Variants in CDC42BPA observed in about 807,000 individuals in gnomAD.
CDC42BPA encodes serine/threonine-protein kinase MRCK alpha.
In CDC42BPA, 80 loss-of-function variants were observed where a neutral mutation model predicts 223.5. The ratio of observed to expected loss-of-function variants is 0.36; its 90% CI spans 0.30 to 0.43. The LOEUF (loss-of-function observed/expected upper bound fraction) is 0.43, where lower values mean the gene tolerates loss of function less well. Ranked by LOEUF, CDC42BPA falls within the 20% of genes least tolerant of loss-of-function variation. The probability of loss-of-function intolerance (pLI) is 1.00; values close to 1 mark genes in which losing one functional copy is unlikely to be tolerated. For missense variants in CDC42BPA, 1,743 were observed against 2,099.9 expected (o/e 0.83, Z 3.32); for synonymous variants, 694 against 718.6 (o/e 0.97, Z 0.55).
chr1:227,120,844 T>C (rs1378431676), intron 11 of CDC42BPA, among the ~76,000 whole-genome samples: 1 of 152,210 alleles, frequency 6.6e-6, no homozygotes, highest in Non-Finnish European at 1.5e-5. Flanking sequence ...GGACCAGTTT[T>C]GTGGAAGACA....
intron 14 of CDC42BPA, among the ~76,000 whole-genome samples, chr1:227,109,227 GCTACA>G (rs1355318118): frequency 2.6e-5 from 4 of 151,994 alleles, no homozygotes; most frequent in Admixed American, 1.3e-4. Flanking sequence ...TTATACTTAG[GCTACA>G]CTATTTTTAA....
At chr1:227,060,483 T>C (rs1675654501) in intron 21 of CDC42BPA, among the ~76,000 whole-genome samples, 1 of 152,086 alleles carries the variant, frequency 6.6e-6, no homozygotes, top group Admixed American at 6.5e-5. Context: ...AGAGAAGACA[T>C]CATGCCAGCA....
intron 6 of CDC42BPA, among the ~76,000 whole-genome samples, chr1:227,151,024 T>C (rs1661655085): frequency 1.3e-5 from 2 of 152,144 alleles, no homozygotes; most frequent in Admixed American, 1.3e-4. Flanking sequence ...ATTTACTATC[T>C]TAATGATTTT....
chr1:227,131,388 C>T (rs977165922), intron 10 of CDC42BPA, among the ~76,000 whole-genome samples: 1 of 152,132 alleles, frequency 6.6e-6, no homozygotes, highest in African/African-American at 2.4e-5. Flanking sequence ...CTAGTTAGAA[C>T]TTAAATGGTA....
intron 10 of CDC42BPA, among the ~76,000 whole-genome samples, chr1:227,129,714 T>TATATATATATATGTATATATATATATAC (rs140091366): frequency 9.5e-6 from 1 of 105,806 alleles, no homozygotes; most frequent in African/African-American, 3.8e-5. Flanking sequence ...TATATATATA[T>TATATATATATATGTATATATATATATAC]ACAAAAGAAT....
intron 32 of CDC42BPA, among the ~76,000 whole-genome samples, chr1:227,017,834 A>C (rs920365198): frequency 6.6e-6 from 1 of 152,112 alleles, no homozygotes; most frequent in African/African-American, 2.4e-5. Context: ...CATTATCTAA[A>C]TAAGATAAGG....
intron 23 of CDC42BPA, among the ~76,000 whole-genome samples, chr1:227,041,245 T>C (rs1029063): frequency 0.48 from 73,333 of 151,912 alleles, 18,041 homozygotes; most frequent in African/African-American, 0.54. Context: ...GACCGATCCA[T>C]ATTACCCAGG....
chr1:227,130,147 C>A (rs1330557997), intron 10 of CDC42BPA, among the ~76,000 whole-genome samples: 1 of 152,148 alleles, frequency 6.6e-6, no homozygotes, highest in Non-Finnish European at 1.5e-5. Context: ...CATTTTACAT[C>A]AGAAATGAAA....
chr1:227,181,625 T>C (rs1313171059), intron 5 of CDC42BPA, among the ~76,000 whole-genome samples: 2 of 152,214 alleles, frequency 1.3e-5, no homozygotes, highest in Non-Finnish European at 2.9e-5. Context: ...TACTCTCTAT[T>C]ATAACAGTTA....
rs1660735075 is a variant in CDC42BPA at position 226,991,495 on chromosome 1, C to T, written c.*2773G>A. On this transcript the variant is annotated 3_prime_UTR_variant, in exon 37 of 37. Coordinates refer to ENST00000366766, the MANE Select transcript of CDC42BPA (RefSeq NM_001394014.1). ...ATGACCGTTATTTTGGGAAAACCCT[C>T]CCCAAAACTATTCCCCCTGGCAGTG... 1 of 152,190 alleles carries T rather than the reference C, an allele frequency of 6.6e-6. No individual in the cohort carries two copies. The highest frequency in any genetic ancestry group is 1.5e-5 in the Non-Finnish European group (1 of 68,052). 9.4% of individuals were successfully genotyped at this position (152,190 alleles called of 1,614,324 possible). A position where few individuals can be genotyped will look rare whatever the true frequency, so the allele number is the denominator to read the frequency against.
intron 20 of CDC42BPA, among the ~76,000 whole-genome samples, chr1:227,071,691 C>A (rs1678367312): frequency 6.9e-6 from 1 of 145,930 alleles, no homozygotes; most frequent in Non-Finnish European, 1.5e-5. Context: ...ATTGTTTCCT[C>A]AACTACCCTG....
chr1:227,007,248 A>G (rs967417224), intron 34 of CDC42BPA, among the ~76,000 whole-genome samples: 1 of 152,220 alleles, frequency 6.6e-6, no homozygotes, highest in Non-Finnish European at 1.5e-5. Context: ...TACCATTACT[A>G]TAGGGTAATC....
chr1:227,274,276 G>A (rs1157599351), intron 1 of CDC42BPA, among the ~76,000 whole-genome samples: 2 of 152,012 alleles, frequency 1.3e-5, no homozygotes, highest in Non-Finnish European at 2.9e-5. Context: ...CCAAAAGTAG[G>A]CACCTGACCC....
At chr1:227,039,538 T>C (rs1464843242) in intron 24 of CDC42BPA, among the ~76,000 whole-genome samples, 1 of 152,130 alleles carries the variant, frequency 6.6e-6, no homozygotes, top group Non-Finnish European at 1.5e-5. Context: ...CCCAAACAAA[T>C]ATACTTTCTT....
Position 227,271,770 on chromosome 1 carries a change from T to G in CDC42BPA, c.179-17615A>C, listed in dbSNP as rs372385703. On this transcript the variant is annotated intron_variant, in intron 1 of 36. Coordinates refer to ENST00000366766, the MANE Select transcript of CDC42BPA (RefSeq NM_001394014.1). ...TACTGAGCACCTATTCAATACCAGA[T>G]ATTGTACTAGAAATGGGAAACATTC... is the stretch of plus-strand genomic sequence containing the variant. Among the ~76,000 whole-genome samples the G allele has an allele frequency of 1.5e-3, 222 of 152,322 alleles. No individual in the cohort carries two copies. In the Middle Eastern group the frequency reaches 0.017, roughly 12 times the overall value.
chr1:227,259,227 G>C (rs7526283), intron 1 of CDC42BPA, among the ~76,000 whole-genome samples: 19,144 of 150,644 alleles, frequency 0.13, 1,750 homozygotes, highest in Middle Eastern at 0.2. Flanking sequence ...AGTGTTAACT[G>C]AACCAATATG....
chr1:227,143,766 A>G (rs1276664720), intron 8 of CDC42BPA, among the ~76,000 whole-genome samples: 1 of 152,232 alleles, frequency 6.6e-6, no homozygotes, highest in African/African-American at 2.4e-5. Context: ...AAACAAGACT[A>G]TATATTGATC....
At chr1:227,122,839 T>A (rs1419567334) in intron 11 of CDC42BPA, among the ~76,000 whole-genome samples, 1 of 152,124 alleles carries the variant, frequency 6.6e-6, no homozygotes, top group Non-Finnish European at 1.5e-5. Context: ...TGAACTTTGG[T>A]CAAATACTAT....
At chr1:227,076,033 A>G (rs1572650914) in intron 17 of CDC42BPA, among the ~76,000 whole-genome samples, 1 of 152,274 alleles carries the variant, frequency 6.6e-6, no homozygotes, top group East Asian at 1.9e-4. Context: ...CATGTTGAAC[A>G]CCTTACAACT....
Sources: allele counts gnomAD v4.1 joint callset (sites outside exome capture counted in the v4.1 genomes callset), GRCh38; gene constraint gnomAD v4.1.1; transcripts MANE v1.5; gene names NCBI Gene and HGNC (gene_info 2026-07-23, HGNC 2026-07-21).